The following FAR2 variants were observed in gnomAD, a reference collection of about 807,000 sequenced individuals.
The protein encoded by FAR2 is epididymis secretory protein Li 81.
FAR2 carries 19 observed loss-of-function variants against 56.0 expected under a neutral mutation model. That is an observed-to-expected ratio of 0.34 (90% CI 0.24 to 0.50). The LOEUF is 0.50. Ranked by LOEUF, FAR2 falls within the 20% of genes least tolerant of loss-of-function variation. The probability of loss-of-function intolerance (pLI) is 0.98; values close to 1 mark genes in which losing one functional copy is unlikely to be tolerated. For synonymous variants in FAR2, 219 were observed against 218.8 expected (o/e 1.00, Z -0.01); for missense variants, 508 against 642.2 (o/e 0.79, Z 2.26).
intron 7 of FAR2, among the ~76,000 whole-genome samples, chr12:29,311,666 T>TCTCACACACACACACACACACA: frequency 6.8e-6 from 1 of 147,532 alleles, no homozygotes; most frequent in East Asian, 2.0e-4. Flanking sequence ...AACATCTCTT[T>TCTCACACACACACACACACACA]CACACACACA....
intron 1 of FAR2, among the ~76,000 whole-genome samples, chr12:29,257,643 C>A (rs10771507): frequency 6.6e-6 from 1 of 151,450 alleles, no homozygotes; most frequent in African/African-American, 2.4e-5. Flanking sequence ...ACGAGCCCAC[C>A]GGGAGGAATG....
intron 1 of FAR2, among the ~76,000 whole-genome samples, chr12:29,265,304 A>T (rs909858531): frequency 6.6e-6 from 1 of 152,160 alleles, no homozygotes; most frequent in Non-Finnish European, 1.5e-5. Flanking sequence ...AAGCAACACA[A>T]CATGCTACTG....
chr12:29,284,574 C>CA, intron 2 of FAR2, among the ~76,000 whole-genome samples: 1 of 152,282 alleles, frequency 6.6e-6, no homozygotes, highest in South Asian at 2.1e-4. Flanking sequence ...CGCAGGGTTA[C>CA]ACACTGGGTC....
chr12:29,164,293 A>G (rs1346074659), intron 1 of FAR2, among the ~76,000 whole-genome samples: 2 of 152,186 alleles, frequency 1.3e-5, no homozygotes, highest in African/African-American at 4.8e-5. Flanking sequence ...GTCCCTAGGA[A>G]TACAGCTGGG....
intron 4 of FAR2, among the ~76,000 whole-genome samples, chr12:29,303,372 C>T (rs1433766680): frequency 6.6e-6 from 1 of 152,196 alleles, no homozygotes; most frequent in East Asian, 1.9e-4. Flanking sequence ...TCTTCTTTAT[C>T]TCTATGCTCC....
chr12:29,260,909 G>T (rs905643620), intron 1 of FAR2, among the ~76,000 whole-genome samples: 2 of 152,166 alleles, frequency 1.3e-5, no homozygotes, highest in African/African-American at 4.8e-5. Flanking sequence ...TCATGACTGT[G>T]CAACAGCCAC....
intron 4 of FAR2, among the ~76,000 whole-genome samples, chr12:29,303,591 C>G (rs1415058888): frequency 6.6e-6 from 1 of 152,196 alleles, no homozygotes; most frequent in Middle Eastern, 3.2e-3. Flanking sequence ...GAGGCCCCCA[C>G]AGCCAGCAGC....
At chr12:29,312,011 C>T (rs140787957) in intron 8 of FAR2, 61 bp downstream of exon 8, 1 of 1,234,824 alleles carries the variant, frequency 8.1e-7, no homozygotes, top group Non-Finnish European at 1.2e-6. Context: ...AAAAAGTTGA[C>T]AAAGTGTGTC....
At chr12:29,189,805 G>T (rs528537037) in intron 1 of FAR2, among the ~76,000 whole-genome samples, 1 of 152,274 alleles carries the variant, frequency 6.6e-6, no homozygotes, top group South Asian at 2.1e-4. Context: ...ATAACTAACT[G>T]TTCCAAGAGT....
At chr12:29,328,918 C>G (rs1183511491) in intron 10 of FAR2, among the ~76,000 whole-genome samples, 1 of 150,990 alleles carries the variant, frequency 6.6e-6, no homozygotes, top group African/African-American at 2.4e-5. Context: ...GAAAAAAAAA[C>G]AATATATCAG....
intron 1 of FAR2, among the ~76,000 whole-genome samples, chr12:29,191,035 G>A (rs1416179494): frequency 6.6e-6 from 1 of 152,058 alleles, no homozygotes; most frequent in Middle Eastern, 3.2e-3. Flanking sequence ...TCCCTCCCTG[G>A]GTCTGTGAAC....
chr12:29,263,802 C>G (rs577612566), intron 1 of FAR2, among the ~76,000 whole-genome samples: 1 of 151,568 alleles, frequency 6.6e-6, no homozygotes, highest in East Asian at 2.0e-4. Context: ...GTAATGAGGC[C>G]AAAGCCACAT....
At chr12:29,181,420 A>G (rs902851588) in intron 1 of FAR2, among the ~76,000 whole-genome samples, 4 of 152,204 alleles carry the variant, frequency 2.6e-5, no homozygotes, top group Admixed American at 2.0e-4. Flanking sequence ...TCCTAGCTCA[A>G]ATCTCTAACT....
rs957973517 is a variant in FAR2 at position 29,256,167 on chromosome 12, C to T, written c.-38-14245C>T. ...GATTACAAGCGTGAGCCACTGCACC[C>T]GGCCTTATTATATCTAAAATTATTA... On this transcript the variant is annotated intron_variant, in intron 1 of 11. Coordinates refer to ENST00000536681, the MANE Select transcript of FAR2 (RefSeq NM_001271783.2). Among the ~76,000 whole-genome samples, 4 of 151,728 alleles carry T rather than the reference C, an allele frequency of 2.6e-5. No individual in the cohort carries two copies. The South Asian group carries it at 6.2e-4, about 24-fold the overall frequency.
At chr12:29,233,337 A>C (rs1947888565) in intron 1 of FAR2, among the ~76,000 whole-genome samples, 2 of 152,072 alleles carry the variant, frequency 1.3e-5, no homozygotes, top group Non-Finnish European at 2.9e-5. Context: ...CTGAATCTTA[A>C]TACTTCTGTC....
At chr12:29,286,268 T>A (rs1948875417) in intron 2 of FAR2, among the ~76,000 whole-genome samples, 1 of 152,182 alleles carries the variant, frequency 6.6e-6, no homozygotes, top group Non-Finnish European at 1.5e-5. Context: ...TATTCCTACA[T>A]CACAGATGAG....
At chr12:29,248,661 C>G (rs1261354884) in intron 1 of FAR2, among the ~76,000 whole-genome samples, 2 of 152,130 alleles carry the variant, frequency 1.3e-5, no homozygotes, top group African/African-American at 4.8e-5. Flanking sequence ...ACTGGTCTGA[C>G]CAAAATTATT....
intron 1 of FAR2, among the ~76,000 whole-genome samples, chr12:29,240,817 T>A (rs796646680): frequency 6.9e-4 from 105 of 152,100 alleles, no homozygotes; most frequent in African/African-American, 2.3e-3. Flanking sequence ...TTTTATATAT[T>A]TTTTTTGAGA....
intron 2 of FAR2, among the ~76,000 whole-genome samples, chr12:29,289,524 T>A (rs1268710841): frequency 6.6e-6 from 1 of 152,180 alleles, no homozygotes; most frequent in Non-Finnish European, 1.5e-5. Context: ...TCTCTCTCCA[T>A]ATACAAAAAT....
Sources: allele counts gnomAD v4.1 joint callset (sites outside exome capture counted in the v4.1 genomes callset), GRCh38; gene constraint gnomAD v4.1.1; transcripts MANE v1.5; gene names NCBI Gene and HGNC (gene_info 2026-07-23, HGNC 2026-07-21).